GALNTL6: variants seen among roughly 807,000 people sequenced by gnomAD.
The protein encoded by GALNTL6 is polypeptide N-acetylgalactosaminyltransferase-like 6.
In GALNTL6, 46 loss-of-function variants were observed where a neutral mutation model predicts 73.7. That is an observed-to-expected ratio of 0.62 (90% confidence interval 0.49 to 0.80). GALNTL6 has a LOEUF of 0.80. Among genes scored for constraint, GALNTL6 ranks in the 30% least tolerant of loss-of-function variants. The pLI is 0.00. For missense variants in GALNTL6, 604 were observed against 755.0 expected, an observed-to-expected ratio of 0.80 and a Z score of 2.34; for synonymous variants, 259 against 263.7, an observed-to-expected ratio of 0.98 and a Z score of 0.17.
intron 2 of GALNTL6, among the ~76,000 whole-genome samples, chr4:171,947,677 AG>A (rs1188198125): frequency 1.3e-5 from 2 of 152,178 alleles, no homozygotes; most frequent in Non-Finnish European, 2.9e-5. Context: ...TAGTAGATTC[AG>A]GATGAATCTC....
intron 2 of GALNTL6, among the ~76,000 whole-genome samples, chr4:171,932,202 T>C (rs1228191946): frequency 2.6e-5 from 4 of 152,188 alleles, no homozygotes; most frequent in Non-Finnish European, 5.9e-5. Flanking sequence ...ATAAATAGCA[T>C]ACACTCATAC....
intron 2 of GALNTL6, among the ~76,000 whole-genome samples, chr4:172,205,182 A>G (rs1736067431): frequency 6.6e-6 from 1 of 152,222 alleles, no homozygotes; most frequent in South Asian, 2.1e-4. Context: ...CTTTGGTAAC[A>G]AATGTAAAGG....
At chr4:172,216,520 T>A (rs1736502676) in intron 2 of GALNTL6, among the ~76,000 whole-genome samples, 1 of 152,188 alleles carries the variant, frequency 6.6e-6, no homozygotes, top group African/African-American at 2.4e-5. Context: ...AATTTGAATA[T>A]GATATGCTTA....
At chr4:172,020,303 A>G (rs1579064894) in intron 2 of GALNTL6, among the ~76,000 whole-genome samples, 1 of 151,948 alleles carries the variant, frequency 6.6e-6, no homozygotes, top group East Asian at 1.9e-4. Flanking sequence ...AAGAAATAAT[A>G]AAGATTACAG....
intron 5 of GALNTL6, among the ~76,000 whole-genome samples, chr4:172,605,511 T>C (rs897241860): frequency 1.1e-4 from 16 of 152,010 alleles, no homozygotes; most frequent in Admixed American, 2.6e-4. Flanking sequence ...CAAAATGATA[T>C]AGGAAATCTG....
chr4:172,436,982 G>A (rs1263096934), intron 5 of GALNTL6, among the ~76,000 whole-genome samples: 1 of 151,718 alleles, frequency 6.6e-6, no homozygotes, highest in African/African-American at 2.4e-5. Context: ...ATTTCCATAC[G>A]GTAAACTACC....
At chr4:172,019,568 C>T (rs1195616304) in intron 2 of GALNTL6, among the ~76,000 whole-genome samples, 4 of 151,930 alleles carry the variant, frequency 2.6e-5, no homozygotes, top group African/African-American at 9.7e-5. Flanking sequence ...TCAGAAAAGA[C>T]AAAGAAGTGC....
At chr4:172,481,372 G>A (rs1579112998) in intron 5 of GALNTL6, among the ~76,000 whole-genome samples, 1 of 152,058 alleles carries the variant, frequency 6.6e-6, no homozygotes, top group Non-Finnish European at 1.5e-5. Context: ...CCAGCAAGAC[G>A]TATTGCAAAG....
chr4:173,040,099 AG>A lies in GALNTL6; in HGVS notation c.1806del (p.Ter602=). The A allele has an allele frequency of 6.2e-7, 1 of 1,606,676 alleles. No individual in the cohort carries two copies. Among genetic ancestry groups the A allele is most frequent in the Non-Finnish European group, 8.5e-7 (1 of 1,174,974 alleles). On this transcript the variant is annotated frameshift_variant and stop_lost, in exon 13 of 13. Coordinates refer to ENST00000506823, the MANE Select transcript of GALNTL6 (RefSeq NM_001034845.3). LOFTEE classifies it high-confidence loss of function. Reference protein sequence around the residue: ...LEKFNHHANS* With the variant: ...LEKFNHHANSX ...AAATTTAACCACCATGCCAACTCCTAGAAAGAAGAAAGGAAGAAAGAGTGAT... is the reference window on the plus strand; with the variant it reads ...AAATTTAACCACCATGCCAACTCCTAAAAGAAGAAAGGAAGAAAGAGTGAT...
chr4:172,017,103 A>T (rs1741220077), intron 2 of GALNTL6, among the ~76,000 whole-genome samples: 1 of 152,124 alleles, frequency 6.6e-6, no homozygotes, highest in Non-Finnish European at 1.5e-5. Context: ...GTTGTGGCTA[A>T]GGCAGGTGGG....
intron 5 of GALNTL6, among the ~76,000 whole-genome samples, chr4:172,598,141 G>A (rs934130328): frequency 2.0e-5 from 3 of 151,972 alleles, no homozygotes; most frequent in African/African-American, 7.2e-5. Flanking sequence ...TATATAATTT[G>A]ATCAACAACA....
chr4:172,195,958 CAG>C (rs889660084), intron 2 of GALNTL6, among the ~76,000 whole-genome samples: 2 of 141,690 alleles, frequency 1.4e-5, no homozygotes, highest in Non-Finnish European at 3.1e-5. Flanking sequence ...CTGAAGGAAA[CAG>C]AGACACAAAA....
At chr4:172,436,360 G>A (rs1322312510) in intron 5 of GALNTL6, among the ~76,000 whole-genome samples, 2 of 152,016 alleles carry the variant, frequency 1.3e-5, no homozygotes, top group South Asian at 4.1e-4. Context: ...TTCAGTCCAA[G>A]AAGTAATGAG....
chr4:173,021,368 T>A (rs1752982348), intron 11 of GALNTL6, 108 bp from the exon 12 acceptor site: 3 of 1,140,278 alleles, frequency 2.6e-6, no homozygotes, highest in South Asian at 2.8e-5. Context: ...TTTTGGCAGA[T>A]CACAAAGCAG....
In GALNTL6 at chr4:172,177,792, T is replaced by TATATATACACACACATATATGTGTGTGC. The variant is rs1422917847; in HGVS notation, c.139-51837_139-51836insCATATATACACACACATATATGTGTGTG. Reference sequence around the variant, plus strand: ...ATGTACACATATATACACATGTGTATATATATACACACACATATATGTGTG... The same window carrying TATATATACACACACATATATGTGTGTGC: ...ATGTACACATATATACACATGTGTATATATATACACACACATATATGTGTGTGCATATATACACACACATATATGTGTG... On this transcript the variant is annotated intron_variant, in intron 2 of 12. Transcript: ENST00000506823. Among the ~76,000 whole-genome samples the TATATATACACACACATATATGTGTGTGC allele has an allele frequency of 1.3e-4, 18 of 134,272 alleles. 1 individual carries two copies. The highest frequency in any genetic ancestry group is 2.5e-4 in the Non-Finnish European group (16 of 65,172). The allele number at this position is 134,272 out of a possible 152,430, so 88.1% of individuals were successfully genotyped here.
chr4:172,497,914 C>T (rs571319020), intron 5 of GALNTL6, among the ~76,000 whole-genome samples: 42 of 151,946 alleles, frequency 2.8e-4, no homozygotes, highest in Non-Finnish European at 2.1e-4. Flanking sequence ...ATCTCCATCC[C>T]CAACAGCCAA....
At chr4:172,813,277 G>T (rs1207784031) in intron 6 of GALNTL6, among the ~76,000 whole-genome samples, 1 of 152,120 alleles carries the variant, frequency 6.6e-6, no homozygotes, top group Non-Finnish European at 1.5e-5. Context: ...ATGTGACAGA[G>T]GTAGAGCTAA....
chr4:172,197,009 G>T (rs182727251), intron 2 of GALNTL6, among the ~76,000 whole-genome samples: 1 of 152,274 alleles, frequency 6.6e-6, no homozygotes, highest in Admixed American at 6.5e-5. Flanking sequence ...GTCTTTGTTT[G>T]CATATGACAT....
chr4:172,170,337 G>C (rs543446445), intron 2 of GALNTL6, among the ~76,000 whole-genome samples: 1 of 152,134 alleles, frequency 6.6e-6, no homozygotes, highest in South Asian at 2.1e-4. Flanking sequence ...TTTTAACAAT[G>C]CCTCCTTCGG....
Sources: gnomAD v4.1 joint callset for allele counts (sites outside exome capture counted in the v4.1 genomes callset) on GRCh38, gnomAD v4.1.1 for gene constraint, MANE v1.5 for transcripts, NCBI Gene and HGNC (gene_info 2026-07-23, HGNC 2026-07-21) for gene names.